Variants in RHOBTB3 observed in about 807,000 individuals in gnomAD.
The protein encoded by RHOBTB3 is rho-related BTB domain-containing protein 3.
In RHOBTB3, 47 loss-of-function variants were observed where a neutral mutation model predicts 67.2. The observed-to-expected ratio is 0.70, with a 90% CI of 0.55 to 0.89. The LOEUF is 0.89. Ranked by LOEUF, RHOBTB3 falls within the 40% of genes least tolerant of loss-of-function variation. RHOBTB3 has a pLI of 0.00. For synonymous variants in RHOBTB3, 273 were observed against 274.2 expected, an observed-to-expected ratio of 1.00 and a Z score of 0.04; for missense variants, 631 against 750.0, an observed-to-expected ratio of 0.84 and a Z score of 1.85.
At chr5:95,748,309 T>C in intron 3 of RHOBTB3, 24 bp from the exon 4 acceptor site, 1 of 1,565,556 alleles carries the variant, frequency 6.4e-7, no homozygotes, top group South Asian at 1.2e-5. Context: ...TCGAAACTCT[T>C]TGTTTTAAAA....
At chr5:95,757,432 A>G (rs1490774256) in intron 6 of RHOBTB3, among the ~76,000 whole-genome samples, 1 of 152,216 alleles carries the variant, frequency 6.6e-6, no homozygotes, top group Non-Finnish European at 1.5e-5. Flanking sequence ...CTGGAGAAAC[A>G]TTTATAATTA....
At position 95,752,297 on chromosome 5, in the gene RHOBTB3, G is replaced by A; in HGVS notation, c.629G>A (p.Arg210Lys). The A allele has an allele frequency of 1.2e-6, 2 of 1,605,452 alleles. No individual in the cohort carries two copies. The highest frequency in any genetic ancestry group is 1.1e-5 in the South Asian group (1 of 88,750). ...AAGACAAGTGAAAAAATGAAGAAAA[G>A]AAAAATGAGCAACTCCTTTCATGGA... ...NQKTSEKMKK[R>K]KMSNSFHGIR... is the part of the protein sequence containing the mutation. The change falls in exon 5 of 12, where the codon AGA becomes AAA. Residue 210 changes from arginine (R) to lysine (K), a missense_variant. Physicochemically the swap from Arg to Lys is conservative, Grantham distance 26. Transcript: ENST00000379982.
chr5:95,717,776 A>G (rs946906334), intron 1 of RHOBTB3: 3 of 152,276 alleles, frequency 2.0e-5, no homozygotes, highest in African/African-American at 7.2e-5. Context: ...GTGAGGAATC[A>G]TTATAATAAA....
chr5:95,795,356 G>T lies in RHOBTB3; in HGVS notation c.*2182G>T, dbSNP rs1168534746. On this transcript the variant is annotated 3_prime_UTR_variant, in exon 12 of 12. Coordinates refer to ENST00000379982, the MANE Select transcript of RHOBTB3 (RefSeq NM_014899.4). ...ATTCACATTTAAGACTTCTAAAATG[G>T]AATAATAGCCTTTTGTTTTTCATGA... 1 of 152,106 alleles carries T rather than the reference G, an allele frequency of 6.6e-6. No individual in the cohort carries two copies. The highest frequency in any genetic ancestry group is 1.9e-4 in the East Asian group (1 of 5,200). 9.4% of individuals were successfully genotyped at this position (152,106 alleles called of 1,614,324 possible).
intron 3 of RHOBTB3, among the ~76,000 whole-genome samples, chr5:95,743,420 T>G (rs1008298599): frequency 6.6e-6 from 1 of 151,940 alleles, no homozygotes; most frequent in African/African-American, 2.4e-5. Flanking sequence ...TTGGGCCGCC[T>G]CCTCCTTGTT....
In RHOBTB3 at chr5:95,731,563, C is replaced by T. The variant is rs1200034538; in HGVS notation, c.-120C>T. ...CGTCGGCCCCGCCGCGGTGGAGGCGCGCGAGGGGGACGCGGCCGGGGATGA... is the reference window on the plus strand; with the variant it reads ...CGTCGGCCCCGCCGCGGTGGAGGCGTGCGAGGGGGACGCGGCCGGGGATGA... On this transcript the variant is annotated 5_prime_UTR_variant, in exon 1 of 12. Transcript: ENST00000379982. 5.4e-6 allele frequency: 8 copies of T among 1,488,204 alleles called. No individual in the cohort carries two copies. The Admixed American group carries it at 1.1e-4, about 21-fold the overall frequency. The allele number at this position is 1,488,204 out of a possible 1,614,324, so 92.2% of individuals were successfully genotyped here.
At chr5:95,765,069 G>A (rs1464334429) in intron 7 of RHOBTB3, among the ~76,000 whole-genome samples, 1 of 152,046 alleles carries the variant, frequency 6.6e-6, no homozygotes, top group African/African-American at 2.4e-5. Flanking sequence ...CAGTGAAAAT[G>A]TACATCACGT....
At chr5:95,776,162 T>G (rs890169310) in intron 8 of RHOBTB3, among the ~76,000 whole-genome samples, 2 of 152,190 alleles carry the variant, frequency 1.3e-5, no homozygotes, top group Non-Finnish European at 2.9e-5. Flanking sequence ...ATCCCAGCAC[T>G]TTTGGAGGCC....
In RHOBTB3 at chr5:95,731,876, C is replaced by T. The variant is rs746046822; in HGVS notation, c.20C>T (p.Ala7Val). The T allele has an allele frequency of 3.1e-6, 5 of 1,612,900 alleles. No homozygotes were observed. Among genetic ancestry groups the T allele is most frequent in the South Asian group, 2.2e-5 (2 of 91,044 alleles). The change falls in exon 2 of 12, where the codon GCG becomes GTG. Residue 7 changes from alanine (A) to valine (V), a missense_variant. Transcript: ENST00000379982. ...CCGTGCAGGTCCATCCACATCGTGG[C>T]GCTGGGGAACGAGGGGGACACATTC... MSIHIV[A>V]LGNEGDTFHQ...
chr5:95,741,094 C>T lies in RHOBTB3; in HGVS notation c.415+4019C>T, dbSNP rs553497831. On this transcript the variant is annotated intron_variant, in intron 3 of 11. Transcript: ENST00000379982. ...CTGTAATCCCAGCACTTTGGGAGGC[C>T]GACGCGGGTGGATCATGAGGTCAGG... 5.9e-5 allele frequency among the ~76,000 whole-genome samples: 9 copies of T among 152,052 alleles called. No homozygotes were observed. The East Asian group carries it at 1.7e-3, about 29-fold the overall frequency.
chr5:95,788,777 T>G lies in RHOBTB3; in HGVS notation c.1639T>G (p.Cys547Gly). Residue 547 changes from cysteine to glycine, a missense_variant, in exon 11 of 12, where the codon TGC becomes GGC. Transcript: ENST00000379982. ...LKKAKFHHSD[C>G]LSTWLLHFIA... The stretch of plus-strand genomic sequence containing the variant: ...TTTCTTGCAGTTTCACCACTCTGAT[T>G]GCCTTTCAACCTGGCTACTTCATTT... The G allele has an allele frequency of 6.3e-7, 1 of 1,590,592 alleles. No individual in the cohort carries two copies. The highest frequency in any genetic ancestry group is 8.5e-7 in the Non-Finnish European group (1 of 1,170,876).
chr5:95,789,070 AATG>A, intron 11 of RHOBTB3: 1 of 444,448 alleles, frequency 2.2e-6, no homozygotes, highest in South Asian at 3.5e-5. Context: ...GAAGTTTTCT[AATG>A]ATTATTTTAT....
intron 3 of RHOBTB3, among the ~76,000 whole-genome samples, chr5:95,743,823 C>T (rs1249865885): frequency 6.6e-6 from 1 of 151,588 alleles, no homozygotes; most frequent in Non-Finnish European, 1.5e-5. Flanking sequence ...ATTCTCCTGC[C>T]TCAGCCTCCT....
intron 9 of RHOBTB3, chr5:95,782,522 A>C (rs1340194392): frequency 1.3e-5 from 2 of 152,260 alleles, no homozygotes; most frequent in Non-Finnish European, 2.9e-5. Flanking sequence ...AAAGTGGTTA[A>C]AATGGGCCGG....
chr5:95,779,712 A>G (rs1745994179), intron 8 of RHOBTB3, among the ~76,000 whole-genome samples: 1 of 152,150 alleles, frequency 6.6e-6, no homozygotes, highest in Non-Finnish European at 1.5e-5. Context: ...CCAGATTTTC[A>G]TTAAGTCTGA....
chr5:95,766,825 C>A (rs1177199957), intron 7 of RHOBTB3, among the ~76,000 whole-genome samples: 1 of 152,052 alleles, frequency 6.6e-6, no homozygotes, highest in Non-Finnish European at 1.5e-5. Context: ...TGAGAGTCTC[C>A]GGAACGCCAG....
At chr5:95,767,849 G>A (rs1280066905) in intron 7 of RHOBTB3, 197 bp from the exon 8 acceptor site, 10 of 708,942 alleles carry the variant, frequency 1.4e-5, no homozygotes, top group Non-Finnish European at 2.3e-5. Context: ...GCCAAAGAGA[G>A]CAGTGTTGTT....
intron 8 of RHOBTB3, among the ~76,000 whole-genome samples, chr5:95,775,649 T>C (rs145991773): frequency 1.3e-5 from 2 of 152,152 alleles, no homozygotes; most frequent in East Asian, 3.9e-4. Context: ...TTTTGAATTG[T>C]AGCTAAATTA....
intron 11 of RHOBTB3, among the ~76,000 whole-genome samples, chr5:95,791,067 G>A (rs1054444347): frequency 2.0e-5 from 3 of 152,112 alleles, no homozygotes; most frequent in African/African-American, 7.2e-5. Flanking sequence ...ACCTGAAGTT[G>A]GGAAAGTTTC....
Sources: gnomAD v4.1 joint callset for allele counts (sites outside exome capture counted in the v4.1 genomes callset) on GRCh38, gnomAD v4.1.1 for gene constraint, MANE v1.5 for transcripts, NCBI Gene and HGNC (gene_info 2026-07-23, HGNC 2026-07-21) for gene names.